Variants in RALYL observed in about 807,000 individuals in gnomAD.
The protein encoded by RALYL is RNA-binding Raly-like protein.
RALYL carries 29 observed loss-of-function variants against 35.1 expected under a neutral mutation model. The observed-to-expected ratio is 0.83, with a 90% CI of 0.61 to 1.13. The LOEUF is 1.13. RALYL is among the 50% of genes most tolerant of loss of function. The pLI is 0.00. For synonymous variants in RALYL, 120 were observed against 127.6 expected (o/e 0.94, Z 0.40); for missense variants, 359 against 360.4 (o/e 1.00, Z 0.03).
chr8:84,758,923 A>G (rs1245118982), intron 2 of RALYL, among the ~76,000 whole-genome samples: 2 of 152,208 alleles, frequency 1.3e-5, no homozygotes, highest in Non-Finnish European at 2.9e-5. Flanking sequence ...AAAGTTCTGT[A>G]GATCAGAAGT....
chr8:84,675,117 G>A (rs868122656), intron 2 of RALYL, among the ~76,000 whole-genome samples: 11 of 151,938 alleles, frequency 7.2e-5, no homozygotes, highest in African/African-American at 1.2e-4. Context: ...AAGATTTATC[G>A]TATTTCCAAT....
chr8:84,819,285 G>T (rs977163848), intron 4 of RALYL, among the ~76,000 whole-genome samples: 3 of 152,122 alleles, frequency 2.0e-5, no homozygotes, highest in African/African-American at 7.2e-5. Flanking sequence ...TAAAGCAGTT[G>T]TGCTTTCAGG....
At chr8:84,660,377 C>T (rs1554767845) in intron 2 of RALYL, among the ~76,000 whole-genome samples, 1 of 151,662 alleles carries the variant, frequency 6.6e-6, no homozygotes, top group Non-Finnish European at 1.5e-5. Flanking sequence ...CTATTTGTAC[C>T]TTCTAAATGT....
chr8:84,197,399 C>G (rs2130949588), intron 1 of RALYL, among the ~76,000 whole-genome samples: 1 of 152,208 alleles, frequency 6.6e-6, no homozygotes, highest in South Asian at 2.1e-4. Context: ...ATTTTTAGGT[C>G]CTGACTTTCA....
upstream of RALYL, chr8:84,183,090 AGGC>A: frequency 6.3e-6 from 1 of 157,680 alleles, no homozygotes; most frequent in Non-Finnish European, 1.4e-5. Flanking sequence ...TCCCAATGCG[AGGC>A]GGCGGCGGCA....
chr8:84,299,244 A>C (rs1476978976), intron 1 of RALYL, among the ~76,000 whole-genome samples: 1 of 151,896 alleles, frequency 6.6e-6, no homozygotes, highest in African/African-American at 2.4e-5. Context: ...TTTTGGTTTT[A>C]ATTCTGCTTA....
intron 1 of RALYL, among the ~76,000 whole-genome samples, chr8:84,428,096 T>TCA (rs2046710757): frequency 1.5e-5 from 2 of 134,610 alleles, no homozygotes; most frequent in African/African-American, 5.6e-5. Context: ...TCTCTCTCTC[T>TCA]CTCTCTCTCT....
intron 1 of RALYL, among the ~76,000 whole-genome samples, chr8:84,468,342 G>A (rs1407072355): frequency 2.0e-5 from 3 of 151,906 alleles, no homozygotes; most frequent in Admixed American, 6.6e-5. Context: ...AGGCCTGGTG[G>A]TGACAAAATC....
At chr8:84,808,333 T>C (rs1825142765) in intron 4 of RALYL, among the ~76,000 whole-genome samples, 2 of 152,192 alleles carry the variant, frequency 1.3e-5, no homozygotes, top group South Asian at 4.1e-4. Context: ...GGTTTATTTC[T>C]GGGTTCTCTT....
At chr8:84,458,603 A>C (rs976127773) in intron 1 of RALYL, among the ~76,000 whole-genome samples, 2 of 151,728 alleles carry the variant, frequency 1.3e-5, no homozygotes, top group African/African-American at 4.8e-5. Flanking sequence ...TCACTGAAAC[A>C]TGTTTTAAGG....
intron 2 of RALYL, among the ~76,000 whole-genome samples, chr8:84,540,607 A>G (rs140535393): frequency 0.01 from 1,566 of 152,072 alleles, 10 homozygotes; most frequent in Non-Finnish European, 0.017. Context: ...TGTTCATGAT[A>G]AACTATTGGC....
chr8:84,468,445 T>C (rs915633243), intron 1 of RALYL, among the ~76,000 whole-genome samples: 2 of 150,820 alleles, frequency 1.3e-5, no homozygotes, highest in African/African-American at 4.8e-5. Flanking sequence ...TCAAAATTCT[T>C]TTCTTTAAGA....
chr8:84,609,346 A>G (rs1463727535), intron 2 of RALYL, among the ~76,000 whole-genome samples: 1 of 152,128 alleles, frequency 6.6e-6, no homozygotes. Flanking sequence ...GGAATCATCT[A>G]TGTCATAGAG....
At chr8:84,452,573 A>G (rs1475232681) in intron 1 of RALYL, among the ~76,000 whole-genome samples, 2 of 151,942 alleles carry the variant, frequency 1.3e-5, no homozygotes, top group East Asian at 3.9e-4. Flanking sequence ...TTATAAATGA[A>G]TTAGCAACCA....
At chr8:84,688,070 C>A (rs957874663) in intron 2 of RALYL, among the ~76,000 whole-genome samples, 1 of 151,510 alleles carries the variant, frequency 6.6e-6, no homozygotes, top group Non-Finnish European at 1.5e-5. Context: ...TTATTTAATT[C>A]CTCCCCCAAT....
At chr8:84,565,411 TATCAC>T (rs1363631299) in intron 2 of RALYL, among the ~76,000 whole-genome samples, 9 of 151,546 alleles carry the variant, frequency 5.9e-5, no homozygotes, top group Non-Finnish European at 1.2e-4. Context: ...TTTATCTAAG[TATCAC>T]TGGGTCTTAT....
At chr8:84,198,024 A>G (rs970015892) in intron 1 of RALYL, among the ~76,000 whole-genome samples, 2 of 152,148 alleles carry the variant, frequency 1.3e-5, no homozygotes, top group African/African-American at 4.8e-5. Flanking sequence ...TTCCTCACTG[A>G]TGTTTTACTG....
At chr8:84,441,034 A>T (rs2048275663) in intron 1 of RALYL, among the ~76,000 whole-genome samples, 1 of 151,986 alleles carries the variant, frequency 6.6e-6, no homozygotes. Context: ...GTTACTTACT[A>T]GTTTCAGGAT....
chr8:84,847,898 T>C (rs1001470838), intron 4 of RALYL, among the ~76,000 whole-genome samples: 12 of 152,162 alleles, frequency 7.9e-5, no homozygotes, highest in Non-Finnish European at 1.6e-4. Flanking sequence ...TTTACCTTCA[T>C]GGATTAGGTC....
Sources: gnomAD v4.1 joint callset for allele counts (sites outside exome capture counted in the v4.1 genomes callset) on GRCh38, gnomAD v4.1.1 for gene constraint, MANE v1.5 for transcripts, NCBI Gene and HGNC (gene_info 2026-07-23, HGNC 2026-07-21) for gene names.